Variants in ELL observed in about 807,000 individuals in gnomAD.
The protein encoded by ELL is RNA polymerase II elongation factor ELL.
Under a neutral mutation model 64.0 loss-of-function variants are expected in ELL, and 18 were observed. The observed-to-expected ratio is 0.28, with a 90% CI of 0.19 to 0.42. The LOEUF is 0.42. Ranked by LOEUF, ELL falls within the 10% of genes least tolerant of loss-of-function variation. The pLI, the probability that ELL is intolerant of heterozygous loss-of-function variation, is 1.00. For synonymous variants in ELL, 399 were observed against 376.2 expected, an observed-to-expected ratio of 1.06 and a Z score of -0.70; for missense variants, 797 against 870.4, an observed-to-expected ratio of 0.92 and a Z score of 1.06.
chr19:18,469,340 G>A (rs1033854244), intron 2 of ELL, among the ~76,000 whole-genome samples: 4 of 152,240 alleles, frequency 2.6e-5, no homozygotes, highest in Admixed American at 6.5e-5. Flanking sequence ...TTTTGCTGCT[G>A]GTTAATGGTT....
At position 18,512,420 on chromosome 19, in the gene ELL, T is replaced by C. The variant is rs1254508104; in HGVS notation, c.135+9501A>G. 2.0e-5 allele frequency among the ~76,000 whole-genome samples: 3 copies of C among 152,098 alleles called. No homozygotes were observed. The South Asian group carries it at 6.2e-4, about 31-fold the overall frequency. ...TGGGAGGCCAAGGCGGGCAGGTCGC[T>C]TCAGCTCAGAAGTTCAAGACCACCC... On this transcript the variant is annotated intron_variant, in intron 1 of 11. Transcript: ENST00000262809.
At chr19:18,489,790 C>T (rs918010103) in intron 1 of ELL, among the ~76,000 whole-genome samples, 3 of 152,116 alleles carry the variant, frequency 2.0e-5, no homozygotes, top group Admixed American at 6.5e-5. Flanking sequence ...ACTGGGGCCC[C>T]GGCCTCTGGC....
intron 11 of ELL, 22 bp downstream of exon 11, chr19:18,445,202 C>A (rs940930406): frequency 6.2e-7 from 1 of 1,614,008 alleles, no homozygotes; most frequent in Non-Finnish European, 8.5e-7. Flanking sequence ...TTGGAGCCCA[C>A]CCCAACACAA....
At position 18,458,249 on chromosome 19, in the gene ELL, G is replaced by A. The variant is rs1174268839; in HGVS notation, c.825C>T (p.Gly275=). 6.8e-6 allele frequency: 11 copies of A among 1,612,524 alleles called. No homozygotes were observed. The highest frequency in any genetic ancestry group is 1.3e-5 in the African/African-American group (1 of 74,934). ...GCAGCTGCTGGTCCCCCTCCGAGTAGCCAGGCCAGTCCTTCTGCACATCCT... is the reference window on the plus strand; with the variant it reads ...GCAGCTGCTGGTCCCCCTCCGAGTAACCAGGCCAGTCCTTCTGCACATCCT... ...MYKDVQKDWP[G]YSEGDQQLLK... The change falls in exon 6 of 12, where the codon GGC becomes GGT. Residue 275 remains glycine (G), a synonymous_variant. Transcript: ENST00000262809.
chr19:18,520,763 G>A (rs1976250743), intron 1 of ELL, among the ~76,000 whole-genome samples: 1 of 146,048 alleles, frequency 6.8e-6, no homozygotes, highest in African/African-American at 2.6e-5. Context: ...CACACGCAGG[G>A]AGCAGGGCTC....
chr19:18,473,803 C>G (rs561717039), intron 1 of ELL, among the ~76,000 whole-genome samples: 1 of 152,238 alleles, frequency 6.6e-6, no homozygotes, highest in East Asian at 1.9e-4. Flanking sequence ...GTCCCCAAAC[C>G]CACCCCTGCA....
chr19:18,450,809 A>C lies in ELL; in HGVS notation c.1133T>G (p.Leu378Arg). The change falls in exon 8 of 12, where the codon CTC becomes CGC. Residue 378 changes from leucine to arginine, a missense_variant. Physicochemically the swap from Leu to Arg is moderately radical, Grantham distance 102. Coordinates refer to ENST00000262809, the MANE Select transcript of ELL (RefSeq NM_006532.4). ...TPGPPASTDT[L>R]SSSTHLPPRL... ...CGGGGGCAGGTGAGTGCTGGAGCTG[A>C]GGGTGTCCGTGCTGGCTGGTGGGCC... The C allele has an allele frequency of 1.3e-6, 2 of 1,584,942 alleles. No individual in the cohort carries two copies. Among genetic ancestry groups the C allele is most frequent in the Non-Finnish European group, 1.7e-6 (2 of 1,165,058 alleles).
intron 1 of ELL, among the ~76,000 whole-genome samples, chr19:18,514,496 AGAGT>A (rs1976089865): frequency 6.8e-6 from 1 of 146,390 alleles, no homozygotes; most frequent in South Asian, 2.2e-4. Context: ...CCTGGGCAAC[AGAGT>A]GAGACTCCAT....
At chr19:18,519,280 A>G (rs1428696442) in intron 1 of ELL, among the ~76,000 whole-genome samples, 1 of 152,114 alleles carries the variant, frequency 6.6e-6, no homozygotes, top group Non-Finnish European at 1.5e-5. Context: ...CACAAGTTGC[A>G]ATTGGCAAAC....
intron 1 of ELL, among the ~76,000 whole-genome samples, chr19:18,477,254 G>T (rs1975196289): frequency 6.6e-6 from 1 of 152,204 alleles, no homozygotes; most frequent in Non-Finnish European, 1.5e-5. Flanking sequence ...AGGCACCACA[G>T]AAGAAAAGGG....
chr19:18,444,787 C>T lies in ELL; in HGVS notation c.1831G>A (p.Glu611Lys), dbSNP rs755143816. 3.7e-6 allele frequency: 6 copies of T among 1,609,356 alleles called. No homozygotes were observed. The highest frequency in any genetic ancestry group is 2.2e-5 in the East Asian group (1 of 44,886). ...KLAHIKRLIA[E>K]YDQRQLQAWP Reference sequence around the variant, plus strand: ...GCCTGCAGCTGCCGCTGGTCGTACTCGGCGATGAGCCTCTTGATGTGGGCC... The same window carrying T: ...GCCTGCAGCTGCCGCTGGTCGTACTTGGCGATGAGCCTCTTGATGTGGGCC... Residue 611 changes from glutamate (E) to lysine (K), a missense_variant, in exon 12 of 12, where the codon GAG (glutamate) becomes AAG (lysine). Physicochemically the swap from Glu to Lys is moderately conservative, Grantham distance 56. Transcript: ENST00000262809.
chr19:18,471,010 A>G (rs761903138), intron 2 of ELL: 2 of 456,410 alleles, frequency 4.4e-6, no homozygotes, highest in South Asian at 3.1e-5. Context: ...CCATATCCCC[A>G]CATCCAGCTG....
At chr19:18,496,393 T>C (rs1975653884) in intron 1 of ELL, among the ~76,000 whole-genome samples, 1 of 152,232 alleles carries the variant, frequency 6.6e-6, no homozygotes, top group Non-Finnish European at 1.5e-5. Context: ...CCCTGAGGGA[T>C]GACTCAGGAG....
chr19:18,488,916 G>A (rs1445682176), intron 1 of ELL, among the ~76,000 whole-genome samples: 1 of 152,198 alleles, frequency 6.6e-6, no homozygotes, highest in Non-Finnish European at 1.5e-5. Flanking sequence ...CTTCACAGGC[G>A]CAGGTCATGC....
At chr19:18,517,439 C>G (rs1976153003) in intron 1 of ELL, among the ~76,000 whole-genome samples, 1 of 151,906 alleles carries the variant, frequency 6.6e-6, no homozygotes, top group Non-Finnish European at 1.5e-5. Flanking sequence ...TTAGTAGAGA[C>G]AGGTTTTCAC....
At chr19:18,466,897 C>T (rs1568383374) in intron 2 of ELL, among the ~76,000 whole-genome samples, 1 of 152,198 alleles carries the variant, frequency 6.6e-6, no homozygotes, top group African/African-American at 2.4e-5. Context: ...ACACCATGAG[C>T]GCGGGAGAGA....
At chr19:18,479,271 G>A (rs1168438356) in intron 1 of ELL, among the ~76,000 whole-genome samples, 2 of 152,220 alleles carry the variant, frequency 1.3e-5, no homozygotes, top group African/African-American at 4.8e-5. Context: ...ATGTCAAGCA[G>A]TGCAGGGGCT....
intron 1 of ELL, among the ~76,000 whole-genome samples, chr19:18,518,215 C>G (rs1178524976): frequency 6.6e-6 from 1 of 152,016 alleles, no homozygotes; most frequent in African/African-American, 2.4e-5. Context: ...ACAACAAAAA[C>G]TAGGCCAGGC....
chr19:18,452,393 G>T (rs1974559521), intron 6 of ELL, among the ~76,000 whole-genome samples: 2 of 152,222 alleles, frequency 1.3e-5, no homozygotes, highest in Admixed American at 1.3e-4. Context: ...ACCACTGCAG[G>T]TGTCACTTCC....
Sources: gnomAD v4.1 joint callset for allele counts (sites outside exome capture counted in the v4.1 genomes callset) on GRCh38, gnomAD v4.1.1 for gene constraint, MANE v1.5 for transcripts, NCBI Gene and HGNC (gene_info 2026-07-23, HGNC 2026-07-21) for gene names.